PRKN: variants seen among roughly 807,000 people sequenced by gnomAD.
The protein encoded by PRKN is E3 ubiquitin-protein ligase parkin.
PRKN carries 56 observed loss-of-function variants against 59.5 expected under a neutral mutation model. The observed-to-expected ratio is 0.94, with a 90% CI of 0.76 to 1.18. PRKN has a LOEUF of 1.18. PRKN is among the 50% of genes most tolerant of loss of function. PRKN has a pLI of 0.00. For synonymous variants in PRKN, 250 were observed against 222.1 expected (o/e 1.13, Z -1.12); for missense variants, 657 against 596.4 (o/e 1.10, Z -1.06).
chr6:161,658,807 G>A (rs559329441), intron 7 of PRKN, among the ~76,000 whole-genome samples: 2 of 152,342 alleles, frequency 1.3e-5, no homozygotes, highest in East Asian at 1.9e-4. Context: ...TCAACAGCAA[G>A]GAGCTGTTAT....
chr6:162,558,518 G>A (rs1779705585), intron 1 of PRKN, among the ~76,000 whole-genome samples: 1 of 151,832 alleles, frequency 6.6e-6, no homozygotes, highest in Admixed American at 6.6e-5. Flanking sequence ...TAGTAGAGAT[G>A]GGGTTTCTCC....
intron 7 of PRKN, among the ~76,000 whole-genome samples, chr6:161,726,839 A>C (rs983510768): frequency 6.6e-6 from 1 of 152,184 alleles, no homozygotes; most frequent in African/African-American, 2.4e-5. Context: ...AACTATGAAA[A>C]TAAAATCTAG....
chr6:162,212,414 G>A (rs1562584482), intron 3 of PRKN, among the ~76,000 whole-genome samples: 1 of 148,802 alleles, frequency 6.7e-6, no homozygotes, highest in Non-Finnish European at 1.5e-5. Context: ...TAAGAAATTG[G>A]TGAGATTAAG....
At position 162,430,275 on chromosome 6, in the gene PRKN, T is replaced by G. The variant is rs551501365; in HGVS notation, c.171+13035A>C. ...TAAGTATTTCTGTTTGGTGACTCAT[T>G]TAACCCTTGTAGCAACCCCATGAGG... On this transcript the variant is annotated intron_variant, in intron 2 of 11. Coordinates refer to ENST00000366898, the MANE Select transcript of PRKN (RefSeq NM_004562.3). Among the ~76,000 whole-genome samples the G allele has an allele frequency of 2.6e-5, 4 of 152,270 alleles. No individual in the cohort carries two copies. In the South Asian group the frequency reaches 8.3e-4, roughly 32 times the overall value.
chr6:162,119,308 G>A (rs1042439698), intron 4 of PRKN, among the ~76,000 whole-genome samples: 1 of 152,088 alleles, frequency 6.6e-6, no homozygotes, highest in African/African-American at 2.4e-5. Context: ...GGATGATCAG[G>A]GAAAGGACTG....
At chr6:161,819,631 C>T (rs1477618480) in intron 6 of PRKN, among the ~76,000 whole-genome samples, 2 of 152,142 alleles carry the variant, frequency 1.3e-5, no homozygotes, top group Non-Finnish European at 2.9e-5. Flanking sequence ...TATAAAAATA[C>T]ATGCAGAGCT....
intron 4 of PRKN, among the ~76,000 whole-genome samples, chr6:162,087,048 T>G (rs934233265): frequency 1.9e-4 from 29 of 152,236 alleles, no homozygotes; most frequent in African/African-American, 6.5e-4. Context: ...TTCACTGGAC[T>G]CACTTCATTT....
intron 6 of PRKN, among the ~76,000 whole-genome samples, chr6:161,846,168 T>C (rs1793191602): frequency 6.6e-6 from 1 of 152,180 alleles, no homozygotes; most frequent in Admixed American, 6.5e-5. Context: ...AGAAGTTTTG[T>C]AACTGTGAAA....
At chr6:162,694,236 CAAAAAA>C (rs149337714) in intron 1 of PRKN, among the ~76,000 whole-genome samples, 38 of 93,512 alleles carry the variant, frequency 4.1e-4, no homozygotes, top group East Asian at 1.3e-3. Flanking sequence ...AACAGTGAGA[CAAAAAA>C]AAAAAAAAAA....
At chr6:161,542,305 C>T (rs1034587137) in intron 9 of PRKN, among the ~76,000 whole-genome samples, 2 of 152,162 alleles carry the variant, frequency 1.3e-5, no homozygotes, top group African/African-American at 4.8e-5. Context: ...AGCTATCTGC[C>T]GACTTTCAGT....
rs1452135307 is a variant in PRKN at position 161,575,581 on chromosome 6, T to C, written c.872-6165A>G. On this transcript the variant is annotated intron_variant, in intron 7 of 11. Transcript: ENST00000366898. This position sits in a 1 kb window ranked among gnomAD's most constrained non-coding sequence, Gnocchi z 4.6. ...AGTCTTCGATCACTATTTTTCCTTTTAATTTCTTTGCAAGTCATCACAGGA... is the reference window on the plus strand; with the variant it reads ...AGTCTTCGATCACTATTTTTCCTTTCAATTTCTTTGCAAGTCATCACAGGA... Among the ~76,000 whole-genome samples, 1 of 152,230 alleles carries C rather than the reference T, an allele frequency of 6.6e-6. No individual in the cohort carries two copies.
At chr6:162,288,498 C>T (rs1077708) in intron 2 of PRKN, among the ~76,000 whole-genome samples, 88,032 of 151,992 alleles carry the variant, frequency 0.58, 28,778 homozygotes, top group East Asian at 0.91. Context: ...AAGAAGTGTG[C>T]AAGTGAGCTC....
intron 2 of PRKN, 118 bp from the exon 3 acceptor site, chr6:162,262,883 G>T: frequency 7.6e-7 from 1 of 1,310,676 alleles, no homozygotes; most frequent in Non-Finnish European, 1.1e-6. Flanking sequence ...ACATGTAACT[G>T]ACCAACTTAG....
intron 5 of PRKN, among the ~76,000 whole-genome samples, chr6:162,019,817 G>C (rs1170173284): frequency 1.3e-5 from 2 of 152,134 alleles, no homozygotes; most frequent in Non-Finnish European, 2.9e-5. Context: ...TCAGGAGCTC[G>C]AGACCAGCCT....
At chr6:162,574,370 GGA>G (rs772120695) in intron 1 of PRKN, among the ~76,000 whole-genome samples, 140 of 140,614 alleles carry the variant, frequency 1.0e-3, no homozygotes, top group Admixed American at 2.0e-3. Context: ...AAGAGAAAGA[GGA>G]AAAAAAAAAG....
At chr6:161,906,923 C>T (rs1778172328) in intron 6 of PRKN, among the ~76,000 whole-genome samples, 1 of 151,992 alleles carries the variant, frequency 6.6e-6, no homozygotes, top group Non-Finnish European at 1.5e-5. Flanking sequence ...CGCTCTTCTG[C>T]CTGCTTTTAT....
At position 161,393,493 on chromosome 6, in the gene PRKN, C is replaced by T. The variant is rs749318359; in HGVS notation, c.1084-6616G>A. Among the ~76,000 whole-genome samples the T allele has an allele frequency of 2.7e-4, 41 of 152,116 alleles. No homozygotes were observed. The highest frequency in any genetic ancestry group is 8.2e-4 in the African/African-American group (34 of 41,364). ...CTACCAGAGAGCTATGTGAATGGCC[C>T]ATCATGCCTCTCATTCAATATCATG... On this transcript the variant is annotated intron_variant, in intron 9 of 11. Coordinates refer to ENST00000366898, the MANE Select transcript of PRKN (RefSeq NM_004562.3). This position sits in a 1 kb window ranked among gnomAD's most constrained non-coding sequence, Gnocchi z 4.7.
At chr6:161,598,376 A>G (rs956938527) in intron 7 of PRKN, among the ~76,000 whole-genome samples, 36 of 152,218 alleles carry the variant, frequency 2.4e-4, no homozygotes, top group Non-Finnish European at 4.4e-5. Context: ...AATTTTGTAC[A>G]TCCAAATGTT....
chr6:162,317,984 T>C (rs750069721), intron 2 of PRKN, among the ~76,000 whole-genome samples: 2 of 151,990 alleles, frequency 1.3e-5, no homozygotes, highest in Non-Finnish European at 2.9e-5. Flanking sequence ...CATATTCACA[T>C]TGTTGTCCAA....
Sources: gnomAD v4.1 joint callset for allele counts (sites outside exome capture counted in the v4.1 genomes callset) on GRCh38, gnomAD v4.1.1 for gene constraint, Gnocchi (gnomAD v3.1) non-coding constraint, MANE v1.5 for transcripts, NCBI Gene and HGNC (gene_info 2026-07-23, HGNC 2026-07-21) for gene names.